The following PSMA6 variants were observed in gnomAD, a reference collection of about 807,000 sequenced individuals.
The protein encoded by PSMA6 is proteasome subunit alpha type-6.
For synonymous variants in PSMA6, 88 were observed against 97.7 expected, an observed-to-expected ratio of 0.90 and a Z score of 0.59; for missense variants, 170 against 294.8, an observed-to-expected ratio of 0.58 and a Z score of 3.10.
At chr14:35,312,848 A>T in intron 4 of PSMA6, 33 bp from the exon 5 acceptor site, 1 of 1,547,850 alleles carries the variant, frequency 6.5e-7, no homozygotes, top group Non-Finnish European at 8.7e-7. Context: ...GTATAAAGCT[A>T]AAACATTTAA....
intron 1 of PSMA6, among the ~76,000 whole-genome samples, chr14:35,293,774 C>G (rs945552005): frequency 3.3e-5 from 5 of 152,072 alleles, no homozygotes; most frequent in Non-Finnish European, 7.4e-5. Flanking sequence ...TATTAAATTC[C>G]TGAGTTTTAA....
chr14:35,288,181 T>C (rs1010055934), upstream of PSMA6, among the ~76,000 whole-genome samples: 1 of 152,200 alleles, frequency 6.6e-6, no homozygotes, highest in Non-Finnish European at 1.5e-5. Flanking sequence ...CTGTTTGGTA[T>C]TGAGGATACA....
At chr14:35,281,664 G>C (rs2051367224) in intron 1 of PSMA6, among the ~76,000 whole-genome samples, 1 of 152,146 alleles carries the variant, frequency 6.6e-6, no homozygotes, top group African/African-American at 2.4e-5. Flanking sequence ...GAAACTAAAA[G>C]CCATCTGTTA....
intron 1 of PSMA6, among the ~76,000 whole-genome samples, chr14:35,297,133 T>G (rs1214260450): frequency 2.0e-5 from 3 of 149,534 alleles, no homozygotes; most frequent in Non-Finnish European, 3.0e-5. Context: ...TTTTTTTTTT[T>G]TTTTTTTTTT....
intron 6 of PSMA6, chr14:35,315,697 G>T (rs1347473147): frequency 1.4e-5 from 2 of 145,346 alleles, no homozygotes; most frequent in African/African-American, 2.7e-5. Flanking sequence ...TTTTGAAAAA[G>T]GTGCCTTTTT....
At chr14:35,278,731 C>G in intron 1 of PSMA6, 1 of 1,534,136 alleles carries the variant, frequency 6.5e-7, no homozygotes, top group East Asian at 2.4e-5. Flanking sequence ...AAGTCCCTCA[C>G]TCAGACTTGT....
upstream of PSMA6, chr14:35,292,295 G>C: frequency 1.4e-6 from 2 of 1,420,022 alleles, no homozygotes; most frequent in East Asian, 5.4e-5. Context: ...CCCCCTTAGG[G>C]GGCGGGGCCT....
intron 1 of PSMA6, among the ~76,000 whole-genome samples, chr14:35,306,367 G>T (rs187959927): frequency 1.1e-4 from 17 of 152,194 alleles, no homozygotes; most frequent in Admixed American, 1.1e-3. Context: ...GACCAGCCTG[G>T]GCAAGATAGT....
At chr14:35,315,132 A>G (rs2052022067) in intron 6 of PSMA6, 1 of 152,110 alleles carries the variant, frequency 6.6e-6, no homozygotes, top group African/African-American at 2.4e-5. Flanking sequence ...GGATGCTCTT[A>G]TCTTTAATGA....
intron 4 of PSMA6, among the ~76,000 whole-genome samples, chr14:35,311,336 G>A (rs1298912746): frequency 1.3e-5 from 2 of 152,188 alleles, no homozygotes; most frequent in Non-Finnish European, 2.9e-5. Flanking sequence ...TTGAAAACAA[G>A]TAAAATTGTA....
intron 1 of PSMA6, among the ~76,000 whole-genome samples, chr14:35,300,044 TA>T (rs2051680982): frequency 2.6e-5 from 4 of 152,174 alleles, no homozygotes; most frequent in Non-Finnish European, 5.9e-5. Flanking sequence ...GAGTAAATTA[TA>T]GCAATATTTT....
chr14:35,287,402 T>C (rs1185578159), upstream of PSMA6, among the ~76,000 whole-genome samples: 1 of 152,234 alleles, frequency 6.6e-6, no homozygotes, highest in Non-Finnish European at 1.5e-5. Flanking sequence ...TAATATCATA[T>C]GGAAACACAA....
At chr14:35,309,558 G>A (rs1283319415) in intron 3 of PSMA6, among the ~76,000 whole-genome samples, 3 of 152,130 alleles carry the variant, frequency 2.0e-5, no homozygotes, top group Non-Finnish European at 4.4e-5. Flanking sequence ...TTGGGAGGCC[G>A]AGGCAGGCGG....
chr14:35,282,317 C>G lies in PSMA6; in HGVS notation c.19+3599C>G, dbSNP rs1034445704. ...CAGTGTGATCATGACTCACTGCAGC[C>G]TTGACCTCCTGGACTCAAGCAATCC... On this transcript the variant is annotated intron_variant, in intron 1 of 6. Coordinates refer to the PSMA6 transcript ENST00000540871. 4.6e-5 allele frequency among the ~76,000 whole-genome samples: 7 copies of G among 152,168 alleles called. 1 individual carries two copies. In the South Asian group the frequency reaches 1.4e-3, roughly 32 times the overall value.
intron 2 of PSMA6, 134 bp downstream of exon 2, chr14:35,308,222 G>A: frequency 9.2e-7 from 1 of 1,089,544 alleles, no homozygotes; most frequent in Non-Finnish European, 1.3e-6. Context: ...GGGAGTTCTA[G>A]ACCAGCGTGA....
Position 35,299,327 on chromosome 14 carries a change from C to CTTTTTTT in PSMA6, c.76+6782_76+6788dup, listed in dbSNP as rs71445906. On this transcript the variant is annotated intron_variant, in intron 1 of 6. Coordinates refer to ENST00000261479, the MANE Select transcript of PSMA6 (RefSeq NM_002791.3). ...TGTGAGCCGCCGCAGTGCCCAGCCT[C>CTTTTTTT]TTTTTTTTTTTTTGAGATGGAGTCT... Among the ~76,000 whole-genome samples the CTTTTTTT allele has an allele frequency of 1.4e-4, 9 of 66,000 alleles. 1 individual carries two copies. Among genetic ancestry groups the CTTTTTTT allele is most frequent in the East Asian group, 4.3e-4 (1 of 2,348 alleles). The allele number at this position is 66,000 out of a possible 152,430, so 43.3% of individuals were successfully genotyped here.
chr14:35,310,273 C>T (rs759233076), intron 3 of PSMA6: 1 of 425,308 alleles, frequency 2.4e-6, no homozygotes, highest in South Asian at 1.7e-5. Flanking sequence ...TCTCGTGCCT[C>T]AACCTCCCAG....
At chr14:35,309,606 G>C (rs1281156437) in intron 3 of PSMA6, among the ~76,000 whole-genome samples, 1 of 152,122 alleles carries the variant, frequency 6.6e-6, no homozygotes, top group African/African-American at 2.4e-5. Context: ...AGCCTGGCCA[G>C]CGTGGTGAAA....
At chr14:35,283,496 C>T (rs2051390122) in intron 1 of PSMA6, among the ~76,000 whole-genome samples, 1 of 150,218 alleles carries the variant, frequency 6.7e-6, no homozygotes, top group East Asian at 2.0e-4. Context: ...TTTACTTCAT[C>T]TTCTTCACAG....
Sources: allele counts gnomAD v4.1 joint callset (sites outside exome capture counted in the v4.1 genomes callset), GRCh38; gene constraint gnomAD v4.1.1; transcripts MANE v1.5; gene names NCBI Gene and HGNC (gene_info 2026-07-23, HGNC 2026-07-21).